Variants in LIPA observed in about 807,000 individuals in gnomAD.
LIPA encodes the protein lysosomal acid lipase/cholesteryl ester hydrolase.
A neutral mutation model predicts 40.6 loss-of-function variants in LIPA; 26 were observed. The observed-to-expected ratio is 0.64, with a 90% CI of 0.47 to 0.89. The LOEUF is 0.89. Ranked by LOEUF, LIPA falls within the 40% of genes least tolerant of loss-of-function variation. LIPA has a pLI of 0.00. For missense variants in LIPA, 455 were observed against 479.6 expected (o/e 0.95, Z 0.48); for synonymous variants, 188 against 168.4 (o/e 1.12, Z -0.90).
rs562708275 is a variant in LIPA, at chr10:89,413,777, A to C, written c.-72+630T>G. Among the ~76,000 whole-genome samples the C allele has an allele frequency of 4.2e-4, 63 of 149,884 alleles. 2 individuals carry two copies. The highest frequency in any genetic ancestry group is 1.4e-3 in the African/African-American group (57 of 40,424). On this transcript the variant is annotated intron_variant, in intron 1 of 8. Transcript: ENST00000371837. ...GTGAGACCCTGTCTCAAAAAAAAAA[A>C]AAAAACCAAAATCAATGCAAAAGAT...
At chr10:89,217,077 T>C (rs530879518) in intron 8 of LIPA, among the ~76,000 whole-genome samples, 17 of 152,352 alleles carry the variant, frequency 1.1e-4, no homozygotes, top group African/African-American at 3.4e-4. Context: ...CCATATTTCC[T>C]CTACACTCTC....
chr10:89,292,961 T>C (rs1843384691), intron 1 of LIPA, among the ~76,000 whole-genome samples: 1 of 152,126 alleles, frequency 6.6e-6, no homozygotes, highest in African/African-American at 2.4e-5. Context: ...AATTCTCATT[T>C]TAAAAATGAA....
chr10:89,245,592 A>G, intron 3 of LIPA, 84 bp downstream of exon 3: 6 of 787,444 alleles, frequency 7.6e-6, no homozygotes, highest in South Asian at 6.7e-5. Flanking sequence ...TCCCATTTCA[A>G]TGTTTTTAAG....
intron 1 of LIPA, among the ~76,000 whole-genome samples, chr10:89,261,721 T>C (rs1271612733): frequency 6.6e-6 from 1 of 152,212 alleles, no homozygotes; most frequent in African/African-American, 2.4e-5. Context: ...TCTCATTCTG[T>C]ACCTTCTGTG....
At position 89,307,939 on chromosome 10, in the gene LIPA, G is replaced by A. The variant is rs192783595; in HGVS notation, c.-2+34672C>T. 16 of 153,174 alleles carry A rather than the reference G, an allele frequency of 1.0e-4. No homozygotes were observed. The East Asian group carries it at 2.9e-3, about 28-fold the overall frequency. 9.5% of individuals were successfully genotyped at this position (153,174 alleles called of 1,614,324 possible). A position where few individuals can be genotyped will look rare whatever the true frequency, so the allele number is the denominator to read the frequency against. On this transcript the variant is annotated intron_variant, in intron 1 of 5. Coordinates refer to the LIPA transcript ENST00000282673. ...ATCAACCTTGAGTATTCTACACAAT[G>A]TGAATTCAAGTGCCTGATTAATTGA...
upstream of LIPA, among the ~76,000 whole-genome samples, chr10:89,343,270 A>T (rs1360108346): frequency 6.6e-6 from 1 of 152,184 alleles, no homozygotes; most frequent in Non-Finnish European, 1.5e-5. Context: ...CTCTGTAGAG[A>T]TGTGTTTGGA....
chr10:89,412,622 G>T, intron 2 of LIPA: 2 of 220,956 alleles, frequency 9.1e-6, no homozygotes, highest in Admixed American at 5.7e-5. Context: ...CTGCCTTTAT[G>T]AGCTGTAACA....
intron 1 of LIPA, chr10:89,308,605 T>C (rs1843498515): frequency 6.6e-6 from 1 of 152,218 alleles, no homozygotes; most frequent in Non-Finnish European, 1.5e-5. Flanking sequence ...CTGAATAGCC[T>C]AGACATCAAA....
chr10:89,361,841 G>T (rs892540957), intron 2 of LIPA, among the ~76,000 whole-genome samples: 6 of 144,034 alleles, frequency 4.2e-5, no homozygotes, highest in Non-Finnish European at 9.0e-5. Context: ...ACAGCTATGG[G>T]GAAAAAAAAA....
upstream of LIPA, among the ~76,000 whole-genome samples, chr10:89,346,485 T>C (rs978775362): frequency 6.6e-6 from 1 of 152,238 alleles, no homozygotes; most frequent in African/African-American, 2.4e-5. Flanking sequence ...GTTTGATGAA[T>C]AAAATGATTT....
At chr10:89,338,609 G>T in intron 1 of LIPA, 1 of 1,522,172 alleles carries the variant, frequency 6.6e-7, no homozygotes, top group Non-Finnish European at 8.9e-7. Flanking sequence ...TGATCACAGG[G>T]TGCAGTGCTT....
chr10:89,221,310 G>A (rs1343909680), intron 8 of LIPA, among the ~76,000 whole-genome samples: 1 of 151,894 alleles, frequency 6.6e-6, no homozygotes, highest in East Asian at 1.9e-4. Context: ...AGCCAAGATC[G>A]CACCACTACA....
chr10:89,327,971 T>C (rs1302815920), intron 1 of LIPA: 8 of 1,235,498 alleles, frequency 6.5e-6, no homozygotes, highest in Admixed American at 1.7e-5. Flanking sequence ...CACCCCTTTA[T>C]ATAGTTCCTT....
rs190854087 is a variant in LIPA at position 89,413,160 on chromosome 10, C to A, written c.-71-238G>T. Among the ~76,000 whole-genome samples the A allele has an allele frequency of 1.7e-3, 255 of 152,304 alleles. 2 individuals carry two copies. Among genetic ancestry groups the A allele is most frequent in the African/African-American group, 6.0e-3 (248 of 41,566 alleles). ...TGAGGATAATCACTGGAAATACTTGCTCTGTATTTAGAGTTCATAAAATTT... is the reference window on the plus strand; with the variant it reads ...TGAGGATAATCACTGGAAATACTTGATCTGTATTTAGAGTTCATAAAATTT... On this transcript the variant is annotated intron_variant, in intron 1 of 8. Transcript: ENST00000371837.
intron 6 of LIPA, 93 bp from the exon 7 acceptor site, chr10:89,223,923 A>C: frequency 7.7e-7 from 1 of 1,297,618 alleles, no homozygotes; most frequent in Non-Finnish European, 1.1e-6. Flanking sequence ...ACAAGTACCC[A>C]ATGTCTCCAC....
At chr10:89,341,932 GA>G (rs1292427595) in intron 1 of LIPA, among the ~76,000 whole-genome samples, 2 of 151,798 alleles carry the variant, frequency 1.3e-5, no homozygotes. Context: ...GAAAATTGCT[GA>G]GAGAGTAGAT....
At chr10:89,296,625 T>A (rs1284567504) in intron 1 of LIPA, among the ~76,000 whole-genome samples, 1 of 152,146 alleles carries the variant, frequency 6.6e-6, no homozygotes, top group Non-Finnish European at 1.5e-5. Context: ...GGGTGGAGAC[T>A]TTTTAGGAAG....
Position 89,215,962 on chromosome 10 carries a change from G to T in LIPA, c.942C>A (p.Ala314=). The T allele has an allele frequency of 6.2e-7, 1 of 1,611,260 alleles. No individual in the cohort carries two copies. Among genetic ancestry groups the T allele is most frequent in the African/African-American group, 1.3e-5 (1 of 74,922 alleles). ...CCTGGTTGTAATGAAAATAATTCTT[G>T]GCACTGCTTCCCCAGTCAAAGGCTT... is the stretch of plus-strand genomic sequence containing the variant. ...KFQAFDWGSS[A]KNYFHYNQSY... The change falls in exon 9 of 10, where the codon GCC becomes GCA. Residue 314 remains alanine, a synonymous_variant. Transcript: ENST00000336233.
At chr10:89,354,269 G>C (rs1843977550) in intron 2 of LIPA, among the ~76,000 whole-genome samples, 1 of 152,206 alleles carries the variant, frequency 6.6e-6, no homozygotes, top group Admixed American at 6.5e-5. Context: ...CCCACTTTGA[G>C]TTGTGCCACC....
Sources: gnomAD v4.1 joint callset for allele counts (sites outside exome capture counted in the v4.1 genomes callset) on GRCh38, gnomAD v4.1.1 for gene constraint, MANE v1.5 for transcripts, NCBI Gene and HGNC (gene_info 2026-07-23, HGNC 2026-07-21) for gene names.